Variants in SCLT1 observed in about 807,000 individuals in gnomAD.
SCLT1 encodes sodium channel and clathrin linker 1.
Under a neutral mutation model 112.8 loss-of-function variants are expected in SCLT1, and 78 were observed. The ratio of observed to expected loss-of-function variants is 0.69; its 90% CI spans 0.58 to 0.83. The LOEUF (loss-of-function observed/expected upper bound fraction) is 0.83, where lower values mean the gene tolerates loss of function less well. SCLT1 is among the 40% of genes least tolerant of loss of function. The pLI, the probability that SCLT1 is intolerant of heterozygous loss-of-function variation, is 0.00. For synonymous variants in SCLT1, 257 were observed against 254.7 expected, an observed-to-expected ratio of 1.01 and a Z score of -0.09; for missense variants, 747 against 770.4, an observed-to-expected ratio of 0.97 and a Z score of 0.36.
At chr4:129,052,688 C>G (rs72924196) in intron 2 of SCLT1, among the ~76,000 whole-genome samples, 2 of 151,854 alleles carry the variant, frequency 1.3e-5, no homozygotes, top group African/African-American at 4.8e-5. Flanking sequence ...AGCTCCTAGA[C>G]TTATTAATTT....
intron 6 of SCLT1, among the ~76,000 whole-genome samples, chr4:129,001,283 G>C (rs1743458222): frequency 7.0e-6 from 1 of 143,358 alleles, no homozygotes; most frequent in African/African-American, 2.5e-5. Context: ...AACTGTTAGA[G>C]ATGTAAATTA....
At chr4:128,917,224 A>G (rs1431269302) in intron 18 of SCLT1, among the ~76,000 whole-genome samples, 1 of 152,148 alleles carries the variant, frequency 6.6e-6, no homozygotes, top group Non-Finnish European at 1.5e-5. Flanking sequence ...GTGTTTGTCC[A>G]GGGAACTGTG....
At chr4:128,889,522 T>C (rs1031063844) in intron 19 of SCLT1, among the ~76,000 whole-genome samples, 1 of 152,188 alleles carries the variant, frequency 6.6e-6, no homozygotes, top group Admixed American at 6.5e-5. Context: ...TACCTCAATT[T>C]TGGACTTCTA....
chr4:128,986,757 A>G (rs1742129913), intron 9 of SCLT1, among the ~76,000 whole-genome samples: 1 of 152,180 alleles, frequency 6.6e-6, no homozygotes, highest in South Asian at 2.1e-4. Flanking sequence ...TCCTAGCAGA[A>G]TTCATGCCCT....
At chr4:128,941,526 T>C (rs1438155561) in intron 17 of SCLT1, among the ~76,000 whole-genome samples, 1 of 152,040 alleles carries the variant, frequency 6.6e-6, no homozygotes, top group Non-Finnish European at 1.5e-5. Flanking sequence ...TTTTTCCTTA[T>C]TAATATTTTT....
At chr4:128,959,191 T>C (rs1032252988) in intron 12 of SCLT1, among the ~76,000 whole-genome samples, 4 of 152,154 alleles carry the variant, frequency 2.6e-5, no homozygotes, top group African/African-American at 9.7e-5. Flanking sequence ...TCTTTAAAGC[T>C]AATTAAGCTT....
chr4:129,049,848 C>A (rs1748589918), intron 2 of SCLT1, among the ~76,000 whole-genome samples: 1 of 152,026 alleles, frequency 6.6e-6, no homozygotes, highest in Non-Finnish European at 1.5e-5. Flanking sequence ...GGTTTTAACC[C>A]TGCATGCATT....
intron 9 of SCLT1, among the ~76,000 whole-genome samples, chr4:128,986,077 C>T (rs192657883): frequency 6.6e-6 from 1 of 152,274 alleles, no homozygotes. Context: ...AAAGAGGTAC[C>T]GATGAGTGTA....
intron 1 of SCLT1, among the ~76,000 whole-genome samples, chr4:129,090,078 A>G (rs1485571942): frequency 6.6e-6 from 1 of 152,242 alleles, no homozygotes; most frequent in Non-Finnish European, 1.5e-5. Context: ...GTAAAAGAAT[A>G]ATACCATTTA....
At position 128,997,956 on chromosome 4, in the gene SCLT1, A is replaced by T; in HGVS notation, c.550-17T>A. ...TAGCTGATCCTACAGTGGGAAGGTA[A>T]GGGGAGTATATAAATAGCATTTTGT... is the stretch of plus-strand genomic sequence containing the variant. On this transcript the variant is annotated splice_polypyrimidine_tract_variant and intron_variant, in intron 7 of 20. Transcript: ENST00000281142. 1 of 1,378,644 alleles carries T rather than the reference A, an allele frequency of 7.3e-7. No individual in the cohort carries two copies. Among genetic ancestry groups the T allele is most frequent in the Non-Finnish European group, 9.7e-7 (1 of 1,027,326 alleles). 85.4% of individuals were successfully genotyped at this position (1,378,644 alleles called of 1,614,324 possible).
At chr4:128,952,278 A>G (rs10857134) in intron 14 of SCLT1, 317,729 of 452,876 alleles carry the variant, frequency 0.7, 113,649 homozygotes, top group African/African-American at 0.93. Flanking sequence ...TTATTCTCCT[A>G]TAAGCAAGGT....
At chr4:129,082,154 G>T in intron 2 of SCLT1, 152 bp downstream of exon 2, 1 of 391,748 alleles carries the variant, frequency 2.6e-6, no homozygotes, top group East Asian at 3.9e-5. Context: ...TGGTTGGGGG[G>T]AAAAGGGCAA....
At chr4:129,042,733 C>T (rs1482658340) in intron 4 of SCLT1, among the ~76,000 whole-genome samples, 1 of 152,102 alleles carries the variant, frequency 6.6e-6, no homozygotes, top group African/African-American at 2.4e-5. Context: ...AAAGCCTCGA[C>T]CTCCCAGGCT....
chr4:129,056,557 T>C (rs1264182824), intron 2 of SCLT1, among the ~76,000 whole-genome samples: 1 of 152,246 alleles, frequency 6.6e-6, no homozygotes, highest in African/African-American at 2.4e-5. Flanking sequence ...ACCACCTTGG[T>C]AAATTTATTC....
At chr4:129,032,610 C>T (rs1365233437) in intron 5 of SCLT1, among the ~76,000 whole-genome samples, 2 of 151,746 alleles carry the variant, frequency 1.3e-5, no homozygotes, top group Non-Finnish European at 2.9e-5. Flanking sequence ...GTCTAATATC[C>T]ACAATCTGCA....
At chr4:129,031,925 C>G (rs1313658647) in intron 5 of SCLT1, among the ~76,000 whole-genome samples, 2 of 152,104 alleles carry the variant, frequency 1.3e-5, no homozygotes, top group Non-Finnish European at 2.9e-5. Context: ...CTACCATTGA[C>G]TTTCTTCACA....
intron 11 of SCLT1, among the ~76,000 whole-genome samples, 165 bp from the exon 12 acceptor site, chr4:128,959,942 C>T (rs73847314): frequency 6.6e-6 from 1 of 152,150 alleles, no homozygotes; most frequent in Non-Finnish European, 1.5e-5. Flanking sequence ...GTTTTACTAT[C>T]TCCATACCTT....
At chr4:128,907,182 C>G (rs1161220303) in intron 18 of SCLT1, among the ~76,000 whole-genome samples, 14 of 152,064 alleles carry the variant, frequency 9.2e-5, no homozygotes. Flanking sequence ...CAAGGAAATA[C>G]AGATCACAAA....
chr4:129,082,440 C>G, intron 1 of SCLT1, 67 bp from the exon 2 acceptor site: 1 of 987,276 alleles, frequency 1.0e-6, no homozygotes, highest in Non-Finnish European at 1.6e-6. Context: ...ACTAGAAATA[C>G]AGTAATTATT....
Sources: gnomAD v4.1 joint callset for allele counts (sites outside exome capture counted in the v4.1 genomes callset) on GRCh38, gnomAD v4.1.1 for gene constraint, MANE v1.5 for transcripts, NCBI Gene and HGNC (gene_info 2026-07-23, HGNC 2026-07-21) for gene names.